ZNF782: variants seen among roughly 807,000 people sequenced by gnomAD.
ZNF782 encodes the protein zinc finger protein 782.
A neutral mutation model predicts 13.0 loss-of-function variants in ZNF782; 12 were observed. The observed-to-expected ratio is 0.92, with a 90% CI of 0.59 to 1.50. ZNF782 has a LOEUF of 1.50. Ranked by LOEUF, ZNF782 falls within the 40% of genes most tolerant of loss-of-function variation. The pLI, the probability that ZNF782 is intolerant of heterozygous loss-of-function variation, is 0.00. For synonymous variants in ZNF782, 284 were observed against 283.0 expected, an observed-to-expected ratio of 1.00 and a Z score of -0.04; for missense variants, 770 against 822.9, an observed-to-expected ratio of 0.94 and a Z score of 0.79.
intron 3 of ZNF782, among the ~76,000 whole-genome samples, chr9:96,847,170 T>C (rs1269631153): frequency 6.6e-6 from 1 of 152,168 alleles, no homozygotes; most frequent in Non-Finnish European, 1.5e-5. Flanking sequence ...ACCTCTGGGA[T>C]ATAGCAAAGC....
intron 4 of ZNF782, among the ~76,000 whole-genome samples, chr9:96,832,242 T>G (rs867236765): frequency 6.6e-6 from 1 of 152,178 alleles, no homozygotes; most frequent in Non-Finnish European, 1.5e-5. Flanking sequence ...TGAGGTGGAG[T>G]GTAAAGATGA....
chr9:96,902,421 C>CG, the ZNF782 span, among the ~76,000 whole-genome samples: 1 of 70,222 alleles, frequency 1.4e-5, no homozygotes, highest in Non-Finnish European at 2.1e-5. Flanking sequence ...ATCTCCATCT[C>CG]AAAAAAAAAA....
chr9:96,882,415 CA>C, the ZNF782 span, among the ~76,000 whole-genome samples: 1 of 152,122 alleles, frequency 6.6e-6, no homozygotes, highest in Non-Finnish European at 1.5e-5. Flanking sequence ...TAAGTTTGAG[CA>C]CCAATAAAAA....
At chr9:96,912,296 GC>G in the ZNF782 span, among the ~76,000 whole-genome samples, 1 of 147,556 alleles carries the variant, frequency 6.8e-6, no homozygotes, top group African/African-American at 2.5e-5. Context: ...GGAGGCTAAG[GC>G]GGGCAGATCA....
At chr9:96,887,391 A>T in the ZNF782 span, 1 of 152,434 alleles carries the variant, frequency 6.6e-6, no homozygotes, top group Middle Eastern at 3.4e-3. Flanking sequence ...AAAATGGCAG[A>T]CTTCAGCCCT....
the ZNF782 span, among the ~76,000 whole-genome samples, chr9:96,913,263 C>T: frequency 7.2e-5 from 11 of 151,740 alleles, no homozygotes; most frequent in Non-Finnish European, 8.8e-5. Flanking sequence ...TGCAGTGAGC[C>T]GAGATCACAC....
Position 96,818,868 on chromosome 9 carries a change from C to T in ZNF782, c.1155G>A (p.Gln385=), listed in dbSNP as rs747370093. Residue 385 remains glutamine (Q), a synonymous_variant, in exon 6 of 6, where the codon CAG becomes CAA. Coordinates refer to ENST00000481138, the MANE Select transcript of ZNF782 (RefSeq NM_001001662.3). ...AGGGTTTCTCCCCTGTGTGACTTTT[C>T]TGAGGCCAAATCAAGTGTGAATTCA... ...CSMNSHLIWP[Q]KSHTGEKPYE... 6.2e-7 allele frequency: 1 copy of T among 1,614,220 alleles called. No homozygotes were observed. The highest frequency in any genetic ancestry group is 1.1e-5 in the South Asian group (1 of 91,080).
the ZNF782 span, among the ~76,000 whole-genome samples, chr9:96,899,497 T>C: frequency 3.9e-5 from 6 of 152,372 alleles, no homozygotes; most frequent in East Asian, 3.9e-4. Flanking sequence ...AGGTACTATA[T>C]TGGTTCATTT....
chr9:96,828,990 TAC>T (rs1444504035), intron 4 of ZNF782, among the ~76,000 whole-genome samples: 1 of 151,048 alleles, frequency 6.6e-6, no homozygotes, highest in African/African-American at 2.4e-5. Flanking sequence ...TTAGAAATTT[TAC>T]AGTCTGGAAG....
chr9:96,869,541 A>G (rs1851800069), intron 1 of ZNF782, among the ~76,000 whole-genome samples: 2 of 152,216 alleles, frequency 1.3e-5, no homozygotes, highest in South Asian at 4.1e-4. Context: ...CTTAGACTGT[A>G]TAAGGTATGT....
At chr9:96,906,298 T>C in the ZNF782 span, among the ~76,000 whole-genome samples, 1 of 147,998 alleles carries the variant, frequency 6.8e-6, no homozygotes, top group Non-Finnish European at 1.5e-5. Context: ...AGTAACCACC[T>C]CTGCAGCATG....
chr9:96,844,252 G>C (rs1327441158), intron 4 of ZNF782, among the ~76,000 whole-genome samples: 3 of 152,104 alleles, frequency 2.0e-5, no homozygotes, highest in Non-Finnish European at 4.4e-5. Flanking sequence ...ACTTATACAA[G>C]AGAAATGAAA....
intron 1 of ZNF782, among the ~76,000 whole-genome samples, chr9:96,870,260 T>G (rs1481726289): frequency 2.0e-5 from 3 of 152,200 alleles, no homozygotes; most frequent in Non-Finnish European, 4.4e-5. Context: ...TTAGGTTGTT[T>G]CAAGGTTGGA....
At chr9:96,859,068 A>G (rs142060882), upstream of ZNF782, among the ~76,000 whole-genome samples, 87 of 147,386 alleles carry the variant, frequency 5.9e-4, no homozygotes, top group African/African-American at 2.1e-3. Context: ...GCCCACCCAC[A>G]GAGGAAACAT....
At chr9:96,873,780 T>TA (rs1331433630) in intron 1 of ZNF782, among the ~76,000 whole-genome samples, 2 of 152,298 alleles carry the variant, frequency 1.3e-5, no homozygotes, top group African/African-American at 4.8e-5. Context: ...TAGAAGGCAA[T>TA]ACAGTCATTT....
At chr9:96,929,113 T>G in the ZNF782 span, 26 of 1,606,122 alleles carry the variant, frequency 1.6e-5, 1 homozygote, top group East Asian at 1.3e-4. Context: ...ATTTGAACTG[T>G]CCCTGGGGAC....
At chr9:96,830,824 C>G (rs918517183) in intron 4 of ZNF782, among the ~76,000 whole-genome samples, 4 of 151,816 alleles carry the variant, frequency 2.6e-5, no homozygotes, top group Non-Finnish European at 5.9e-5. Flanking sequence ...AATGTTTAAA[C>G]AAACAATAAG....
intron 2 of ZNF782, among the ~76,000 whole-genome samples, chr9:96,852,325 G>GGGTAAGAC (rs1851519378): frequency 6.6e-6 from 1 of 152,188 alleles, no homozygotes; most frequent in Non-Finnish European, 1.5e-5. Context: ...GTACACCACA[G>GGGTAAGAC]GGTAAGACAC....
At chr9:96,927,018 A>G in the ZNF782 span, among the ~76,000 whole-genome samples, 60 of 151,898 alleles carry the variant, frequency 4.0e-4, no homozygotes, top group African/African-American at 1.3e-3. Flanking sequence ...GTTTCCTAAC[A>G]CTCCCCTTGT....
Sources: gnomAD v4.1 joint callset for allele counts (sites outside exome capture counted in the v4.1 genomes callset) on GRCh38, gnomAD v4.1.1 for gene constraint, MANE v1.5 for transcripts, NCBI Gene and HGNC (gene_info 2026-07-23, HGNC 2026-07-21) for gene names.